PTPRD: variants seen among roughly 807,000 people sequenced by gnomAD.
PTPRD encodes receptor-type tyrosine-protein phosphatase delta.
A neutral mutation model predicts 214.5 loss-of-function variants in PTPRD; 34 were observed. That is an observed-to-expected ratio of 0.16 (90% CI 0.12 to 0.21). PTPRD has a LOEUF of 0.21. Ranked by LOEUF, PTPRD falls within the 10% of genes least tolerant of loss-of-function variation. The pLI is 1.00. For synonymous variants in PTPRD, 1,128 were observed against 845.7 expected (o/e 1.33, Z -5.79); for missense variants, 2,545 against 2,398.7 (o/e 1.06, Z -1.27).
intron 7 of PTPRD, among the ~76,000 whole-genome samples, chr9:9,613,690 T>A (rs746107600): frequency 2.0e-5 from 3 of 152,190 alleles, no homozygotes; most frequent in African/African-American, 7.2e-5. Flanking sequence ...ACAGTAAGTA[T>A]GGTTCATGGA....
chr9:9,404,836 T>C (rs1308469942), intron 8 of PTPRD, among the ~76,000 whole-genome samples: 4 of 152,046 alleles, frequency 2.6e-5, no homozygotes, highest in Non-Finnish European at 4.4e-5. Flanking sequence ...GAGTGGGAAC[T>C]GAAGACATGT....
At chr9:10,437,897 T>A (rs188559509) in intron 2 of PTPRD, among the ~76,000 whole-genome samples, 1 of 150,506 alleles carries the variant, frequency 6.6e-6, no homozygotes, top group East Asian at 2.0e-4. Context: ...CCTTTTCATG[T>A]ATTCAGACCT....
chr9:9,718,792 A>G lies in PTPRD; in HGVS notation c.-287+15741T>C, dbSNP rs139117575. On this transcript the variant is annotated intron_variant, in intron 7 of 45. Transcript: ENST00000381196. ...CCCTCTGGAAACTGCTTCTGAGGCT[A>G]AAACTTTGGGTGCCAACAAGCACAG... Among the ~76,000 whole-genome samples the G allele has an allele frequency of 9.4e-3, 1,425 of 152,278 alleles. 20 individuals are homozygous for G. The highest frequency in any genetic ancestry group is 0.031 in the African/African-American group (1,307 of 41,554).
intron 4 of PTPRD, among the ~76,000 whole-genome samples, chr9:10,028,807 G>C (rs1043325587): frequency 1.3e-5 from 2 of 152,144 alleles, no homozygotes; most frequent in African/African-American, 2.4e-5. Context: ...TCCCATTTTC[G>C]AGGAGAAATT....
intron 11 of PTPRD, among the ~76,000 whole-genome samples, chr9:8,919,852 T>C (rs1349880148): frequency 2.0e-5 from 3 of 151,086 alleles, no homozygotes; most frequent in African/African-American, 7.4e-5. Context: ...GCATGTATCA[T>C]GCATACATAG....
intron 8 of PTPRD, among the ~76,000 whole-genome samples, chr9:9,415,162 C>G (rs764432772): frequency 6.6e-6 from 1 of 152,030 alleles, no homozygotes; most frequent in Non-Finnish European, 1.5e-5. Context: ...TAGAGAAAAA[C>G]AGGGGTTATG....
In PTPRD at chr9:9,293,296, T is replaced by C. The variant is rs558858959; in HGVS notation, c.-203+104153A>G. On this transcript the variant is annotated intron_variant, in intron 9 of 45. Coordinates refer to ENST00000381196, the MANE Select transcript of PTPRD (RefSeq NM_002839.4). ...CTTTGATAATTTAATATTATTTTAT[T>C]TGTTGAATATATTGTTCCAGATTTG... is the stretch of plus-strand genomic sequence containing the variant. 2.0e-5 allele frequency among the ~76,000 whole-genome samples: 3 copies of C among 151,664 alleles called. No homozygotes were observed. In the East Asian group the frequency reaches 5.8e-4, roughly 30 times the overall value.
chr9:10,089,519 G>C (rs1257468980), intron 3 of PTPRD, among the ~76,000 whole-genome samples: 1 of 151,524 alleles, frequency 6.6e-6, no homozygotes, highest in Non-Finnish European at 1.5e-5. Context: ...GGAAGGATTA[G>C]AAGAATGTCA....
At chr9:9,978,906 G>T (rs749525051) in intron 4 of PTPRD, among the ~76,000 whole-genome samples, 16 of 151,816 alleles carry the variant, frequency 1.1e-4, no homozygotes, top group Non-Finnish European at 2.2e-4. Flanking sequence ...CATTATACAG[G>T]AATGAAAACA....
chr9:8,593,796 T>G (rs766585700), intron 14 of PTPRD, among the ~76,000 whole-genome samples: 1 of 152,192 alleles, frequency 6.6e-6, no homozygotes, highest in African/African-American at 2.4e-5. Flanking sequence ...CATAGCACCC[T>G]TGGCAAATGG....
intron 10 of PTPRD, among the ~76,000 whole-genome samples, chr9:9,035,137 A>G (rs2099617492): frequency 6.6e-6 from 1 of 152,122 alleles, no homozygotes; most frequent in South Asian, 2.1e-4. Context: ...AGTCTGGCAC[A>G]TGGTGTGTGG....
intron 7 of PTPRD, among the ~76,000 whole-genome samples, chr9:9,595,302 ATATATATATTATATATATT>A (rs1212917628): frequency 2.0e-4 from 14 of 71,038 alleles, no homozygotes; most frequent in African/African-American, 4.7e-4. Flanking sequence ...ATATATATAT[ATATATATATTATATATATT>A]TTATATATAT....
intron 8 of PTPRD, among the ~76,000 whole-genome samples, chr9:9,407,375 T>A: frequency 6.6e-6 from 1 of 151,924 alleles, no homozygotes; most frequent in South Asian, 2.1e-4. Flanking sequence ...AACATGATTA[T>A]AAATAATGGT....
intron 3 of PTPRD, among the ~76,000 whole-genome samples, chr9:10,332,913 C>G (rs1420025409): frequency 1.3e-5 from 2 of 151,784 alleles, no homozygotes; most frequent in East Asian, 3.9e-4. Flanking sequence ...CTACTGATCA[C>G]CTTTTAACAT....
intron 8 of PTPRD, among the ~76,000 whole-genome samples, chr9:9,531,891 G>A (rs1005818621): frequency 1.1e-4 from 16 of 152,042 alleles, no homozygotes; most frequent in Middle Eastern, 3.4e-3. Context: ...AAGATTGTAA[G>A]TATAGATACA....
intron 14 of PTPRD, among the ~76,000 whole-genome samples, chr9:8,549,137 G>C (rs979663104): frequency 6.6e-6 from 1 of 152,176 alleles, no homozygotes; most frequent in Non-Finnish European, 1.5e-5. Context: ...AGATGATAAA[G>C]TCTATGTGCG....
At chr9:8,915,455 T>A (rs1012080926) in intron 11 of PTPRD, among the ~76,000 whole-genome samples, 12 of 152,162 alleles carry the variant, frequency 7.9e-5, no homozygotes, top group African/African-American at 2.4e-4. Context: ...TAGTGGGGGT[T>A]CTCCAGAAGA....
At chr9:10,147,076 G>C (rs1247517923) in intron 3 of PTPRD, among the ~76,000 whole-genome samples, 1 of 152,052 alleles carries the variant, frequency 6.6e-6, no homozygotes, top group Non-Finnish European at 1.5e-5. Flanking sequence ...GCTAATAAAG[G>C]AGCAAACTAA....
chr9:8,505,055 T>C (rs554916015), intron 22 of PTPRD, among the ~76,000 whole-genome samples: 32 of 152,356 alleles, frequency 2.1e-4, no homozygotes, highest in African/African-American at 7.5e-4. Context: ...CTTACTTTCT[T>C]TGTGAATAAA....
Sources: allele counts gnomAD v4.1 joint callset (sites outside exome capture counted in the v4.1 genomes callset), GRCh38; gene constraint gnomAD v4.1.1; transcripts MANE v1.5; gene names NCBI Gene and HGNC (gene_info 2026-07-23, HGNC 2026-07-21).